Variants in LRP5 observed in about 807,000 individuals in gnomAD.
LRP5 encodes low-density lipoprotein receptor-related protein 5.
Under a neutral mutation model 154.1 loss-of-function variants are expected in LRP5, and 62 were observed. The observed-to-expected ratio is 0.40, with a 90% CI of 0.33 to 0.50. The LOEUF (loss-of-function observed/expected upper bound fraction) is 0.50. Ranked by LOEUF, LRP5 falls within the 20% of genes least tolerant of loss-of-function variation. LRP5 has a pLI of 0.55. For synonymous variants in LRP5, 966 were observed against 1,011.5 expected (o/e 0.96, Z 0.85); for missense variants, 1,915 against 2,336.7 (o/e 0.82, Z 3.72).
intron 9 of LRP5, among the ~76,000 whole-genome samples, chr11:68,408,769 C>T (rs574771100): frequency 4.6e-5 from 7 of 151,890 alleles, no homozygotes; most frequent in East Asian, 3.9e-4. Context: ...TGGTTACAGC[C>T]GGGCACAGTG....
chr11:68,325,971 T>C (rs2098599408), intron 1 of LRP5, among the ~76,000 whole-genome samples: 2 of 152,210 alleles, frequency 1.3e-5, no homozygotes, highest in Admixed American at 1.3e-4. Context: ...CCCCGGGGAC[T>C]CTGGACTTGT....
At chr11:68,365,266 C>G (rs1200249308) in intron 4 of LRP5, among the ~76,000 whole-genome samples, 15 of 242 alleles carry the variant, frequency 0.062, no homozygotes, top group East Asian at 0.5. Context: ...TGGGAGGAAG[C>G]AGATGGGGAG....
At chr11:68,354,340 C>T (rs1243964331) in intron 2 of LRP5, among the ~76,000 whole-genome samples, 2 of 152,218 alleles carry the variant, frequency 1.3e-5, no homozygotes, top group Non-Finnish European at 2.9e-5. Context: ...AACCAGCAGG[C>T]CTCTGTTATG....
intron 1 of LRP5, among the ~76,000 whole-genome samples, chr11:68,317,077 A>G (rs1398582850): frequency 5.9e-5 from 9 of 152,104 alleles, no homozygotes; most frequent in Non-Finnish European, 1.3e-4. Context: ...GCCGCCCTGG[A>G]GGGCTGTCCT....
At chr11:68,319,115 C>T (rs952273785) in intron 1 of LRP5, among the ~76,000 whole-genome samples, 13 of 148,182 alleles carry the variant, frequency 8.8e-5, no homozygotes, top group Admixed American at 4.1e-4. Flanking sequence ...GTCTCACTCA[C>T]GCCCAGGATG....
At chr11:68,383,458 C>T (rs910117488) in intron 5 of LRP5, among the ~76,000 whole-genome samples, 2 of 152,174 alleles carry the variant, frequency 1.3e-5, no homozygotes, top group African/African-American at 4.8e-5. Flanking sequence ...AGGGACCTTT[C>T]GTGAAGTGGA....
chr11:68,404,393 C>T, intron 8 of LRP5: 1 of 515,432 alleles, frequency 1.9e-6, no homozygotes, highest in Non-Finnish European at 3.8e-6. Flanking sequence ...GTGATGCTTG[C>T]TGCTGCATTG....
At chr11:68,305,363 G>A in the LRP5 span, among the ~76,000 whole-genome samples, 1,044 of 151,968 alleles carry the variant, frequency 6.9e-3, 9 homozygotes, top group African/African-American at 0.024. Context: ...GCAGATGCCG[G>A]CACCATGCTT....
rs1335499175 is a variant in LRP5, at chr11:68,347,840, C to T, written c.92-7C>T. 2 of 1,613,024 alleles carry T rather than the reference C, an allele frequency of 1.2e-6. No homozygotes were observed. The highest frequency in any genetic ancestry group is 3.3e-5 in the Admixed American group (2 of 60,022). ...AGTGGCCCTCACGGTTTGCTTCTGC[C>T]CCACAGCCTCGCCGCTCCTGCTATT... On this transcript the variant is annotated splice_region_variant and splice_polypyrimidine_tract_variant and intron_variant, in intron 1 of 22. Transcript: ENST00000294304.
At chr11:68,407,102 G>A (rs2098656161) in intron 9 of LRP5, among the ~76,000 whole-genome samples, 1 of 151,626 alleles carries the variant, frequency 6.6e-6, no homozygotes, top group African/African-American at 2.4e-5. Context: ...GTCGGTGCCC[G>A]TTTGCTCAGC....
At chr11:68,319,521 A>T (rs1015030391) in intron 1 of LRP5, among the ~76,000 whole-genome samples, 1 of 151,680 alleles carries the variant, frequency 6.6e-6, no homozygotes, top group South Asian at 2.1e-4. Flanking sequence ...AGCCTATTTT[A>T]TTATTATTAT....
At chr11:68,314,478 TTA>T (rs1282604805) in intron 1 of LRP5, among the ~76,000 whole-genome samples, 3 of 152,226 alleles carry the variant, frequency 2.0e-5, no homozygotes, top group African/African-American at 7.2e-5. Context: ...GGTTTTGATG[TTA>T]TATCCCTGGT....
intron 5 of LRP5, among the ~76,000 whole-genome samples, chr11:68,375,602 G>A (rs1251186951): frequency 6.6e-6 from 1 of 152,218 alleles, no homozygotes; most frequent in Non-Finnish European, 1.5e-5. Context: ...CTCTGCTCTA[G>A]GGAGCTTCTT....
At chr11:68,433,442 C>T (rs1240884253) in intron 17 of LRP5, among the ~76,000 whole-genome samples, 160 bp from the exon 18 acceptor site, 1 of 152,196 alleles carries the variant, frequency 6.6e-6, no homozygotes, top group Non-Finnish European at 1.5e-5. Flanking sequence ...CACACAGGAG[C>T]CGCAGCGATG....
chr11:68,350,994 GTA>G (rs2098618000), intron 2 of LRP5, among the ~76,000 whole-genome samples: 1 of 152,194 alleles, frequency 6.6e-6, no homozygotes, highest in Non-Finnish European at 1.5e-5. Context: ...ATTTGTGTGT[GTA>G]TGAGTGTGCG....
rs149674572 is a variant in LRP5, at chr11:68,316,461, G to A, written c.91+3656G>A. Among the ~76,000 whole-genome samples, 529 of 152,138 alleles carry A rather than the reference G, an allele frequency of 3.5e-3. 1 individual carries two copies. Among genetic ancestry groups the A allele is most frequent in the African/African-American group, 0.012 (507 of 41,504 alleles). ...TAATTTTTGTATTTTTAGTAGAGAC[G>A]GGATTTCACCATGTTGGCCAGGCTG... is the stretch of plus-strand genomic sequence containing the variant. On this transcript the variant is annotated intron_variant, in intron 1 of 22. Coordinates refer to ENST00000294304, the MANE Select transcript of LRP5 (RefSeq NM_002335.4).
the LRP5 span, among the ~76,000 whole-genome samples, chr11:68,299,593 T>C: frequency 1.3e-5 from 2 of 149,228 alleles, no homozygotes; most frequent in African/African-American, 4.9e-5. Context: ...GTCTTTTTTT[T>C]TTTTTTTTTT....
intron 5 of LRP5, among the ~76,000 whole-genome samples, chr11:68,366,405 C>T (rs1372532594): frequency 6.6e-6 from 1 of 152,032 alleles, no homozygotes; most frequent in African/African-American, 2.4e-5. Context: ...GAAGGACTCT[C>T]CTGGCATCCG....
chr11:68,417,587 A>C (rs1389725530), intron 13 of LRP5, among the ~76,000 whole-genome samples: 2 of 148,040 alleles, frequency 1.4e-5, no homozygotes, highest in Non-Finnish European at 3.0e-5. Context: ...CAGCCTCCTG[A>C]GTAACTGGGA....
Sources: allele counts gnomAD v4.1 joint callset (sites outside exome capture counted in the v4.1 genomes callset), GRCh38; gene constraint gnomAD v4.1.1; transcripts MANE v1.5; gene names NCBI Gene and HGNC (gene_info 2026-07-23, HGNC 2026-07-21).